ANKS1A: variants seen among roughly 807,000 people sequenced by gnomAD.
ANKS1A encodes ankyrin repeat and sterile alpha motif domain containing 1A.
ANKS1A carries 55 observed loss-of-function variants against 120.3 expected under a neutral mutation model. That is an observed-to-expected ratio of 0.46 (90% CI 0.37 to 0.57). The LOEUF is 0.57. Ranked by LOEUF, ANKS1A falls within the 20% of genes least tolerant of loss-of-function variation. The probability of loss-of-function intolerance (pLI) is 0.00; values close to 1 mark genes in which losing one functional copy is unlikely to be tolerated. For synonymous variants in ANKS1A, 590 were observed against 604.7 expected (o/e 0.98, Z 0.36); for missense variants, 1,123 against 1,480.3 (o/e 0.76, Z 3.96).
intron 10 of ANKS1A, among the ~76,000 whole-genome samples, chr6:34,996,805 A>G (rs575543290): frequency 2.0e-5 from 3 of 152,216 alleles, no homozygotes; most frequent in East Asian, 1.9e-4. Flanking sequence ...TAAAAATTTT[A>G]TATCTTTAGG....
chr6:34,971,744 G>A (rs1376585510), intron 3 of ANKS1A, among the ~76,000 whole-genome samples: 1 of 152,174 alleles, frequency 6.6e-6, no homozygotes, highest in Non-Finnish European at 1.5e-5. Context: ...TTGATTCTGA[G>A]GGGGGCAGCT....
chr6:34,924,090 CGT>C (rs71794086), intron 1 of ANKS1A, among the ~76,000 whole-genome samples: 2,683 of 143,106 alleles, frequency 0.019, 41 homozygotes, highest in African/African-American at 0.037. Context: ...GGGGCTTTTT[CGT>C]GTGTGTGTGT....
At chr6:35,032,376 G>A (rs1774950942) in intron 11 of ANKS1A, among the ~76,000 whole-genome samples, 1 of 152,220 alleles carries the variant, frequency 6.6e-6, no homozygotes, top group Non-Finnish European at 1.5e-5. Context: ...CTTTCCATCA[G>A]CAGCTCTTTC....
At chr6:35,020,567 C>CT (rs1220081116) in intron 11 of ANKS1A, among the ~76,000 whole-genome samples, 1 of 152,202 alleles carries the variant, frequency 6.6e-6, no homozygotes, top group Non-Finnish European at 1.5e-5. Context: ...ATGGCTCCTT[C>CT]TGAGCGTATC....
chr6:35,077,907 C>T (rs918603010), intron 13 of ANKS1A, among the ~76,000 whole-genome samples: 5 of 152,208 alleles, frequency 3.3e-5, no homozygotes, highest in Non-Finnish European at 7.3e-5. Flanking sequence ...CACCAGCCTC[C>T]GCCCCCACAT....
chr6:34,976,987 C>T (rs1771633296), intron 3 of ANKS1A, among the ~76,000 whole-genome samples: 1 of 152,056 alleles, frequency 6.6e-6, no homozygotes, highest in South Asian at 2.1e-4. Context: ...TGATACAATA[C>T]CATTATCTAA....
chr6:34,961,566 G>A (rs1212302902), intron 1 of ANKS1A, among the ~76,000 whole-genome samples: 1 of 152,086 alleles, frequency 6.6e-6, no homozygotes, highest in East Asian at 1.9e-4. Context: ...TGCTGACATA[G>A]GATGTCCAAA....
At chr6:34,915,313 C>T (rs867781013) in intron 1 of ANKS1A, among the ~76,000 whole-genome samples, 6 of 152,216 alleles carry the variant, frequency 3.9e-5, no homozygotes, top group South Asian at 2.1e-4. Context: ...CTGCAGCTGT[C>T]GGGAAAAAGT....
chr6:35,088,893 A>C lies in ANKS1A; in HGVS notation c.*284A>C, dbSNP rs1778146709. The C allele has an allele frequency of 4.3e-6, 6 of 1,406,208 alleles. No individual in the cohort carries two copies. Among genetic ancestry groups the C allele is most frequent in the South Asian group, 1.6e-5 (1 of 63,384 alleles). The allele number at this position is 1,406,208 out of a possible 1,614,324, so 87.1% of individuals were successfully genotyped here. A position where few individuals can be genotyped will look rare whatever the true frequency, so the allele number is the denominator to read the frequency against. On this transcript the variant is annotated 3_prime_UTR_variant, in exon 24 of 24. Coordinates refer to ENST00000360359, the MANE Select transcript of ANKS1A (RefSeq NM_015245.3). ...GAACACATTGTTTTTAACAGAAAAA[A>C]AATCTTTTTATAAAATGAACTTTTA...
In ANKS1A at chr6:35,046,537, G is replaced by A. The variant is rs114863958; in HGVS notation, c.2011-7562G>A. Among the ~76,000 whole-genome samples, 1,506 of 152,260 alleles carry A rather than the reference G, an allele frequency of 9.9e-3. 26 individuals carry two copies. The highest frequency in any genetic ancestry group is 0.033 in the African/African-American group (1,384 of 41,550). ...ACAGAAAACTTGAAAGACTTGAGTAGTGAATCCCTGAATATCCACCACGTA... is the reference window on the plus strand; with the variant it reads ...ACAGAAAACTTGAAAGACTTGAGTAATGAATCCCTGAATATCCACCACGTA... On this transcript the variant is annotated intron_variant, in intron 11 of 23. Transcript: ENST00000360359.
At chr6:34,906,974 A>G (rs564035888) in intron 1 of ANKS1A, among the ~76,000 whole-genome samples, 2 of 152,350 alleles carry the variant, frequency 1.3e-5, no homozygotes, top group East Asian at 3.9e-4. Flanking sequence ...ATCACCAGTG[A>G]TAAGTCATGC....
intron 1 of ANKS1A, among the ~76,000 whole-genome samples, chr6:34,931,122 G>A (rs9380472): frequency 0.082 from 12,092 of 148,118 alleles, 680 homozygotes; most frequent in East Asian, 0.34. Context: ...CAGGTGATCC[G>A]CCCGCCTCAG....
chr6:35,052,609 TAAAA>T (rs59378149), intron 11 of ANKS1A, among the ~76,000 whole-genome samples: 9 of 102,426 alleles, frequency 8.8e-5, no homozygotes, highest in Middle Eastern at 4.7e-3. Flanking sequence ...TCTTCTCTGT[TAAAA>T]AAAAAAAAAA....
rs1356346412 is a variant in ANKS1A at position 34,908,072 on chromosome 6, C to A, written c.197+18473C>A. Among the ~76,000 whole-genome samples, 5 of 152,200 alleles carry A rather than the reference C, an allele frequency of 3.3e-5. No individual in the cohort carries two copies. The East Asian group carries it at 9.6e-4, about 29-fold the overall frequency. Reference sequence around the variant, plus strand: ...GGCTGGAATGTAGTAATGACGGCTGCTAATATTAATATTTATACAGAGGAA... The same window carrying A: ...GGCTGGAATGTAGTAATGACGGCTGATAATATTAATATTTATACAGAGGAA... On this transcript the variant is annotated intron_variant, in intron 1 of 23. Coordinates refer to ENST00000360359, the MANE Select transcript of ANKS1A (RefSeq NM_015245.3).
chr6:34,977,366 T>C (rs11970238), intron 3 of ANKS1A, among the ~76,000 whole-genome samples: 18,899 of 151,744 alleles, frequency 0.12, 1,332 homozygotes, highest in East Asian at 0.34. Context: ...TGCCTACAAA[T>C]CTGGGGTAAA....
At chr6:35,069,540 CAAT>C (rs893147632) in intron 13 of ANKS1A, among the ~76,000 whole-genome samples, 7 of 151,972 alleles carry the variant, frequency 4.6e-5, no homozygotes, top group African/African-American at 1.5e-4. Context: ...AGAGGGCTGA[CAAT>C]AATTTTTTTT....
chr6:34,991,672 A>G, intron 9 of ANKS1A, among the ~76,000 whole-genome samples: 1 of 35,526 alleles, frequency 2.8e-5, no homozygotes, highest in East Asian at 1.3e-3. Flanking sequence ...ATATATATAC[A>G]CATATATATA....
intron 11 of ANKS1A, among the ~76,000 whole-genome samples, chr6:35,036,173 T>C (rs753994644): frequency 2.0e-5 from 3 of 152,226 alleles, no homozygotes; most frequent in Non-Finnish European, 4.4e-5. Flanking sequence ...CCTTTAATTG[T>C]GGCATTCATG....
chr6:34,905,968 G>C (rs1047265255), intron 1 of ANKS1A, among the ~76,000 whole-genome samples: 2 of 152,132 alleles, frequency 1.3e-5, no homozygotes, highest in African/African-American at 2.4e-5. Flanking sequence ...AAAACAGTAC[G>C]CAGGAAACAT....
Sources: gnomAD v4.1 joint callset for allele counts (sites outside exome capture counted in the v4.1 genomes callset) on GRCh38, gnomAD v4.1.1 for gene constraint, MANE v1.5 for transcripts, NCBI Gene and HGNC (gene_info 2026-07-23, HGNC 2026-07-21) for gene names.